Variants in KCNK15 observed in about 807,000 individuals in gnomAD.
KCNK15 encodes potassium channel subfamily K member 15.
KCNK15 carries 9 observed loss-of-function variants against 8.5 expected under a neutral mutation model. That is an observed-to-expected ratio of 1.06 (90% CI 0.64 to 1.85). The LOEUF (loss-of-function observed/expected upper bound fraction) is 1.85. Among genes scored for constraint, KCNK15 ranks in the 40% most tolerant of loss-of-function variants. The pLI is 0.00. For missense variants in KCNK15, 467 were observed against 476.8 expected, an observed-to-expected ratio of 0.98 and a Z score of 0.19; for synonymous variants, 224 against 232.7, an observed-to-expected ratio of 0.96 and a Z score of 0.34.
Position 44,750,541 on chromosome 20 carries a change from C to T in KCNK15, c.696C>T (p.Leu232=). 6.2e-7 allele frequency: 1 copy of T among 1,613,302 alleles called. No homozygotes were observed. Among genetic ancestry groups the T allele is most frequent in the Non-Finnish European group, 8.5e-7 (1 of 1,179,822 alleles). ...GCTTCCTCTACATCCTCCTGGGGCTCACGGTCATTGGCGCCTTCCTCAACC... is the reference window on the plus strand; with the variant it reads ...GCTTCCTCTACATCCTCCTGGGGCTTACGGTCATTGGCGCCTTCCTCAACC... ...AFSFLYILLG[L]TVIGAFLNLV... is the part of the protein sequence containing the mutation. The change falls in exon 2 of 2, where the codon CTC becomes CTT. Residue 232 remains leucine, a synonymous_variant. Coordinates refer to ENST00000372861, the MANE Select transcript of KCNK15 (RefSeq NM_022358.4).
At chr20:44,749,652 C>A (rs1035673519) in intron 1 of KCNK15, among the ~76,000 whole-genome samples, 1 of 152,134 alleles carries the variant, frequency 6.6e-6, no homozygotes, top group African/African-American at 2.4e-5. Flanking sequence ...ACGGTCAAGA[C>A]GGAACATTGC....
Position 44,751,148 on chromosome 20 carries a change from C to T in KCNK15, c.*310C>T, listed in dbSNP as rs573809044. 6.5e-5 allele frequency: 15 copies of T among 229,334 alleles called. No individual in the cohort carries two copies. Among genetic ancestry groups the T allele is most frequent in the Non-Finnish European group, 1.2e-4 (14 of 119,254 alleles). The allele number at this position is 229,334 out of a possible 1,614,324, so 14.2% of individuals were successfully genotyped here. ...TGCACAGGTCCACCTCAGAGCCGAC[C>T]CTCCAGAGCAACTTTTCTGTTGTGA... On this transcript the variant is annotated 3_prime_UTR_variant, in exon 2 of 2. Coordinates refer to ENST00000372861, the MANE Select transcript of KCNK15 (RefSeq NM_022358.4).
At chr20:44,746,632 C>T (rs1001375703) in intron 1 of KCNK15, 1 of 160,342 alleles carries the variant, frequency 6.2e-6, no homozygotes, top group Non-Finnish European at 1.4e-5. Context: ...GCTAATCGGC[C>T]TTATCTCAGG....
In KCNK15 at chr20:44,750,694, C is replaced by G. The variant is rs753909140; in HGVS notation, c.849C>G (p.Ser283=). ...GGCTGCCCCGCCGCCCGGCCCGCTC[C>G]GTGGGCTCCGCCTCTGTCTTCTGCC... ...GLWLPRRPAR[S]VGSASVFCHV... Residue 283 remains serine, a synonymous_variant, in exon 2 of 2, where the codon TCC becomes TCG. Coordinates refer to ENST00000372861, the MANE Select transcript of KCNK15 (RefSeq NM_022358.4). 5.3e-6 allele frequency: 8 copies of G among 1,497,436 alleles called. No individual in the cohort carries two copies. Among genetic ancestry groups the G allele is most frequent in the South Asian group, 3.8e-5 (3 of 79,986 alleles). The allele number at this position is 1,497,436 out of a possible 1,614,324, so 92.8% of individuals were successfully genotyped here. A position where few individuals can be genotyped will look rare whatever the true frequency, so the allele number is the denominator to read the frequency against.
At chr20:44,747,856 C>T (rs1453237494) in intron 1 of KCNK15, among the ~76,000 whole-genome samples, 1 of 151,886 alleles carries the variant, frequency 6.6e-6, no homozygotes, top group Non-Finnish European at 1.5e-5. Context: ...TGGTTAATAG[C>T]TCAGGCCCGT....
In KCNK15 at chr20:44,750,587, G is replaced by A; in HGVS notation, c.742G>A (p.Val248Ile). ...CAACCTGGTGGTCCTGCGCTTCCTC[G>A]TTGCCAGCGCCGACTGGCCCGAGCG... is the stretch of plus-strand genomic sequence containing the variant. ...FLNLVVLRFLVASADWPERAA... is the reference protein window; with the variant it reads ...FLNLVVLRFLIASADWPERAA... The change falls in exon 2 of 2, where the codon GTT becomes ATT. Residue 248 changes from valine to isoleucine, a missense_variant. Physicochemically the swap from Val to Ile is conservative, Grantham distance 29. Transcript: ENST00000372861. The A allele has an allele frequency of 6.2e-7, 1 of 1,608,356 alleles. No individual in the cohort carries two copies. The highest frequency in any genetic ancestry group is 8.5e-7 in the Non-Finnish European group (1 of 1,179,540).
chr20:44,748,467 T>C (rs2066016278), intron 1 of KCNK15, among the ~76,000 whole-genome samples: 1 of 152,178 alleles, frequency 6.6e-6, no homozygotes, highest in Non-Finnish European at 1.5e-5. Context: ...ATGCACACAG[T>C]ACACACTTCA....
At chr20:44,750,086 G>T (rs1220026012) in intron 1 of KCNK15, 43 bp from the exon 2 acceptor site, 1 of 1,536,790 alleles carries the variant, frequency 6.5e-7, no homozygotes, top group Non-Finnish European at 8.8e-7. Flanking sequence ...TTGTCAGCTG[G>T]AGCTGGGCGC....
chr20:44,752,313 G>A lies in KCNK15; in HGVS notation c.*1475G>A, dbSNP rs2066036999. On this transcript the variant is annotated 3_prime_UTR_variant, in exon 2 of 2. Coordinates refer to ENST00000372861, the MANE Select transcript of KCNK15 (RefSeq NM_022358.4). Reference sequence around the variant, plus strand: ...TCAATAAATAAATGCAGGTGACCTTGCCTGACGCAACAGCTGTGCCTCCAG... The same window carrying A: ...TCAATAAATAAATGCAGGTGACCTTACCTGACGCAACAGCTGTGCCTCCAG... The A allele has an allele frequency of 6.6e-6, 1 of 152,298 alleles. No homozygotes were observed. The highest frequency in any genetic ancestry group is 2.4e-5 in the African/African-American group (1 of 41,442). The allele number at this position is 152,298 out of a possible 1,614,324, so 9.4% of individuals were successfully genotyped here.
At position 44,750,627 on chromosome 20, in the gene KCNK15, C is replaced by A. The variant is rs13037900; in HGVS notation, c.782C>A (p.Pro261His). ...TGGCCCGAGCGCGCTGCCCGCACCC[C>A]CAGCCCGCGCCCCCCGGGGGCGCCC... ...ADWPERAART[P>H]SPRPPGAPES... The change falls in exon 2 of 2, where the codon CCC becomes CAC. Residue 261 changes from proline (P) to histidine (H), a missense_variant. Physicochemically the swap from Pro to His is moderately conservative, Grantham distance 77. Around this residue, in one of 2 missense-constraint regions of KCNK15, gnomAD observed 455 missense variants for 441.2 expected, o/e 1.03. Coordinates refer to ENST00000372861, the MANE Select transcript of KCNK15 (RefSeq NM_022358.4). The A allele has an allele frequency of 0.079, 125,179 of 1,586,642 alleles. 5,680 individuals are homozygous for A. The highest frequency in any genetic ancestry group is 0.2 in the East Asian group (8,690 of 44,092).
chr20:44,750,760 C>A lies in KCNK15; in HGVS notation c.915C>A (p.Gly305=). ...AGAGGTGCGCCCGCGACAACCTGGG[C>A]TTTTCGCCCCCCTCGAGCCCGGGGG... The part of the protein sequence containing the change: ...KLERCARDNL[G]FSPPSSPGVV... The change falls in exon 2 of 2, where the codon GGC becomes GGA. Residue 305 remains glycine, a synonymous_variant. Transcript: ENST00000372861. 1 of 1,514,048 alleles carries A rather than the reference C, an allele frequency of 6.6e-7. No homozygotes were observed. The highest frequency in any genetic ancestry group is 2.6e-5 in the East Asian group (1 of 38,180). 93.8% of individuals were successfully genotyped at this position (1,514,048 alleles called of 1,614,324 possible). A position where few individuals can be genotyped will look rare whatever the true frequency, so the allele number is the denominator to read the frequency against.
In KCNK15 at chr20:44,750,185, G is replaced by A. The variant is rs368988224; in HGVS notation, c.340G>A (p.Ala114Thr). ...CGGCAAGGTCTTCTGCATGTTCTAC[G>A]CGCTCCTGGGCATCCCGCTGACGCT... ...DSGKVFCMFYALLGIPLTLVT... is the reference protein window; with the variant it reads ...DSGKVFCMFYTLLGIPLTLVT... Residue 114 changes from alanine (A) to threonine (T), a missense_variant, in exon 2 of 2, where the codon GCG becomes ACG. Ala to Thr is a moderately conservative substitution (Grantham distance 58). This residue lies in a region of KCNK15 where 455 missense variants were observed against 441.2 expected (regional missense o/e 1.03). Coordinates refer to ENST00000372861, the MANE Select transcript of KCNK15 (RefSeq NM_022358.4). The A allele has an allele frequency of 4.1e-5, 66 of 1,612,732 alleles. No homozygotes were observed. The highest frequency in any genetic ancestry group is 5.4e-5 in the Non-Finnish European group (64 of 1,179,824).
chr20:44,746,170 C>G lies in KCNK15; in HGVS notation c.260C>G (p.Ala87Gly). ...AAGTTCCCCGGCTCCTTCTACTTCG[C>G]CATCACCGTCATCACTACCATCGGT... Reference protein sequence around the residue: ...QWKFPGSFYFAITVITTIEYG... With the variant: ...QWKFPGSFYFGITVITTIEYG... The change falls in exon 1 of 2, where the codon GCC becomes GGC. Residue 87 changes from alanine (A) to glycine (G), a missense_variant. Transcript: ENST00000372861. 1 of 1,411,732 alleles carries G rather than the reference C, an allele frequency of 7.1e-7. No individual in the cohort carries two copies. The highest frequency in any genetic ancestry group is 9.3e-7 in the Non-Finnish European group (1 of 1,076,302). The allele number at this position is 1,411,732 out of a possible 1,614,324, so 87.5% of individuals were successfully genotyped here. A position where few individuals can be genotyped will look rare whatever the true frequency, so the allele number is the denominator to read the frequency against.
rs539043465 is a variant in KCNK15 at position 44,750,279 on chromosome 20, G to A, written c.434G>A (p.Cys145Tyr). Reference sequence around the variant, plus strand: ...CGGCGCCTCCTGTTGGCGGCCAAGTGCTGCCTGGGCCTGCGGTGGACGTGC... The same window carrying A: ...CGGCGCCTCCTGTTGGCGGCCAAGTACTGCCTGGGCCTGCGGTGGACGTGC... ...VVRRLLLAAK[C>Y]CLGLRWTCVS... Residue 145 changes from cysteine (C) to tyrosine (Y), a missense_variant, in exon 2 of 2, where the codon TGC becomes TAC. Coordinates refer to ENST00000372861, the MANE Select transcript of KCNK15 (RefSeq NM_022358.4). The A allele has an allele frequency of 1.2e-5, 20 of 1,605,774 alleles. 1 individual carries two copies. In the Admixed American group the frequency reaches 1.9e-4, roughly 15 times the overall value.
Position 44,746,150 on chromosome 20 carries a change from C to G in KCNK15, c.240C>G (p.Phe80Leu), listed in dbSNP as rs774071891. The G allele has an allele frequency of 5.6e-6, 8 of 1,417,616 alleles. No individual in the cohort carries two copies. The highest frequency in any genetic ancestry group is 4.5e-5 in the African/African-American group (3 of 66,964). 87.8% of individuals were successfully genotyped at this position (1,417,616 alleles called of 1,614,324 possible). ...EPHRAGRQWK[F>L]PGSFYFAITV... The stretch of plus-strand genomic sequence containing the variant: ...ACCGCGCCGGCCGCCAGTGGAAGTT[C>G]CCCGGCTCCTTCTACTTCGCCATCA... Residue 80 changes from phenylalanine (F) to leucine (L), a missense_variant, in exon 1 of 2, where the codon TTC (phenylalanine) becomes TTG (leucine). This residue lies in a region of KCNK15 where 455 missense variants were observed against 441.2 expected (regional missense o/e 1.03). Transcript: ENST00000372861.
At chr20:44,746,301 C>A in intron 1 of KCNK15, 108 bp downstream of exon 1, 1 of 1,022,398 alleles carries the variant, frequency 9.8e-7, no homozygotes, top group Non-Finnish European at 1.3e-6. Flanking sequence ...CTACTTTGGA[C>A]GGGTCATTTC....
Position 44,745,903 on chromosome 20 carries a change from G to C in KCNK15, c.-8G>C, listed in dbSNP as rs1160051106. On this transcript the variant is annotated 5_prime_UTR_variant, in exon 1 of 2. Coordinates refer to ENST00000372861, the MANE Select transcript of KCNK15 (RefSeq NM_022358.4). ...TGGGACCGCGGCGGGTACCGGGGCC[G>C]GGGCGCCATGCGGAGGCCGAGCGTG... 1.5e-6 allele frequency: 2 copies of C among 1,299,136 alleles called. No individual in the cohort carries two copies. Among genetic ancestry groups the C allele is most frequent in the Non-Finnish European group, 2.0e-6 (2 of 1,021,488 alleles). The allele number at this position is 1,299,136 out of a possible 1,614,324, so 80.5% of individuals were successfully genotyped here.
In KCNK15 at chr20:44,750,610, G is replaced by C. The variant is rs763733849; in HGVS notation, c.765G>C (p.Glu255Asp). The change falls in exon 2 of 2, where the codon GAG becomes GAC. Residue 255 changes from glutamate to aspartate, a missense_variant. Physicochemically the swap from Glu to Asp is conservative, Grantham distance 45 (BLOSUM62 2). Around this residue, in one of 2 missense-constraint regions of KCNK15, gnomAD observed 455 missense variants for 441.2 expected, o/e 1.03. Transcript: ENST00000372861. ...RFLVASADWP[E>D]RAARTPSPRP... ...TCGTTGCCAGCGCCGACTGGCCCGA[G>C]CGCGCTGCCCGCACCCCCAGCCCGC... 2 of 1,602,364 alleles carry C rather than the reference G, an allele frequency of 1.2e-6. No individual in the cohort carries two copies. The highest frequency in any genetic ancestry group is 1.7e-6 in the Non-Finnish European group (2 of 1,178,896).
At chr20:44,747,477 T>C (rs564771340) in intron 1 of KCNK15, among the ~76,000 whole-genome samples, 1 of 152,246 alleles carries the variant, frequency 6.6e-6, no homozygotes, top group South Asian at 2.1e-4. Flanking sequence ...ACACCCCTGC[T>C]TCCTATCTTG....
Sources: allele counts gnomAD v4.1 joint callset (sites outside exome capture counted in the v4.1 genomes callset), GRCh38; gene constraint gnomAD v4.1.1; regional missense constraint gnomAD v4.1.1; transcripts MANE v1.5; gene names NCBI Gene and HGNC (gene_info 2026-07-23, HGNC 2026-07-21).